GRIA1: variants seen among roughly 807,000 people sequenced by gnomAD.
The protein encoded by GRIA1 is glutamate ionotropic receptor AMPA type subunit 1.
In GRIA1, 31 loss-of-function variants were observed where a neutral mutation model predicts 99.2. The ratio of observed to expected loss-of-function variants is 0.31; its 90% CI spans 0.23 to 0.42. The LOEUF is 0.42. GRIA1 is among the 10% of genes least tolerant of loss of function. The pLI, the probability that GRIA1 is intolerant of heterozygous loss-of-function variation, is 1.00. For missense variants in GRIA1, 782 were observed against 1,157.5 expected (o/e 0.68, Z 4.71); for synonymous variants, 438 against 432.4 (o/e 1.01, Z -0.16).
At chr5:153,524,890 A>G (rs767812180) in intron 2 of GRIA1, among the ~76,000 whole-genome samples, 1 of 152,178 alleles carries the variant, frequency 6.6e-6, no homozygotes, top group African/African-American at 2.4e-5. Context: ...GTCAAAGATC[A>G]CTCATTAAGT....
Position 153,812,355 on chromosome 5 carries a change from A to C in GRIA1, c.*1130A>C, listed in dbSNP as rs373241235. On this transcript the variant is annotated 3_prime_UTR_variant, in exon 16 of 16. Coordinates refer to ENST00000285900, the MANE Select transcript of GRIA1 (RefSeq NM_000827.4). ...AAGCCTCATCAAAAGCTCACACAAA[A>C]TAGAGCTTCCCATGGTGTGCCCTAT... 5 of 152,298 alleles carry C rather than the reference A, an allele frequency of 3.3e-5. No homozygotes were observed. The South Asian group carries it at 1.0e-3, about 32-fold the overall frequency. 9.4% of individuals were successfully genotyped at this position (152,298 alleles called of 1,614,324 possible).
chr5:153,801,580 C>T (rs1766028586), intron 14 of GRIA1, among the ~76,000 whole-genome samples: 2 of 152,204 alleles, frequency 1.3e-5, no homozygotes, highest in African/African-American at 4.8e-5. Context: ...GATCTTTTAT[C>T]TCAGGCAACA....
intron 8 of GRIA1, among the ~76,000 whole-genome samples, chr5:153,691,924 C>T (rs1044777469): frequency 6.6e-6 from 1 of 152,182 alleles, no homozygotes; most frequent in Admixed American, 6.5e-5. Flanking sequence ...AAAACTTTTA[C>T]CACTTTCCTG....
chr5:153,673,186 A>G (rs1391787899), intron 5 of GRIA1, among the ~76,000 whole-genome samples: 9 of 152,176 alleles, frequency 5.9e-5, no homozygotes, highest in Non-Finnish European at 5.9e-5. Flanking sequence ...GCCTTTGCTC[A>G]GAATGCTCTT....
intron 2 of GRIA1, among the ~76,000 whole-genome samples, chr5:153,559,341 G>A (rs1054158411): frequency 2.6e-5 from 4 of 152,150 alleles, no homozygotes; most frequent in Admixed American, 6.5e-5. Context: ...CAGGGAGGGT[G>A]TTTATCAAGA....
At chr5:153,743,527 G>C (rs977385638) in intron 11 of GRIA1, among the ~76,000 whole-genome samples, 6 of 152,096 alleles carry the variant, frequency 3.9e-5, no homozygotes, top group Non-Finnish European at 8.8e-5. Flanking sequence ...GCTGCCACTG[G>C]GGACCACTCT....
chr5:153,647,240 C>T (rs952060579), intron 3 of GRIA1, 73 bp downstream of exon 3: 24 of 1,506,462 alleles, frequency 1.6e-5, no homozygotes, highest in Non-Finnish European at 2.1e-5. Flanking sequence ...GAGAATGATG[C>T]CTCACTGCTT....
intron 11 of GRIA1, among the ~76,000 whole-genome samples, chr5:153,715,448 G>A (rs751521844): frequency 3.7e-4 from 56 of 152,010 alleles, no homozygotes; most frequent in Admixed American, 8.5e-4. Flanking sequence ...CTGCAGCAGG[G>A]CCGGCTGGGA....
chr5:153,751,208 GCCC>G (rs1762490191), intron 11 of GRIA1, among the ~76,000 whole-genome samples: 6 of 152,358 alleles, frequency 3.9e-5, no homozygotes, highest in Admixed American at 6.5e-5. Flanking sequence ...TGAACCCTGA[GCCC>G]ATTCTCTTGA....
At chr5:153,631,898 G>C (rs552978617) in intron 2 of GRIA1, among the ~76,000 whole-genome samples, 3 of 152,242 alleles carry the variant, frequency 2.0e-5, no homozygotes, top group Admixed American at 6.5e-5. Flanking sequence ...GGGGAGAAGA[G>C]TTTTGGGCAG....
At chr5:153,768,435 T>C (rs570074925) in intron 12 of GRIA1, among the ~76,000 whole-genome samples, 13 of 152,300 alleles carry the variant, frequency 8.5e-5, no homozygotes, top group African/African-American at 2.6e-4. Flanking sequence ...GAAGTAGAAC[T>C]AAGACTGATA....
At chr5:153,750,640 C>A (rs1304612000) in intron 11 of GRIA1, among the ~76,000 whole-genome samples, 1 of 152,154 alleles carries the variant, frequency 6.6e-6, no homozygotes, top group Non-Finnish European at 1.5e-5. Flanking sequence ...GCTCCCCCTG[C>A]CCCTATACCC....
intron 2 of GRIA1, among the ~76,000 whole-genome samples, chr5:153,636,052 A>G (rs965054464): frequency 2.0e-5 from 3 of 151,936 alleles, no homozygotes; most frequent in African/African-American, 7.3e-5. Flanking sequence ...TCAAACTGGG[A>G]CCTCAACAAT....
intron 2 of GRIA1, among the ~76,000 whole-genome samples, chr5:153,506,930 C>T (rs376185345): frequency 2.2e-4 from 33 of 152,108 alleles, no homozygotes; most frequent in Middle Eastern, 3.4e-3. Flanking sequence ...CGAGATCAGT[C>T]GGGCCAACAT....
chr5:153,706,316 G>C, intron 11 of GRIA1: 1 of 520,968 alleles, frequency 1.9e-6, no homozygotes, highest in Non-Finnish European at 3.5e-6. Context: ...GCATAATTAT[G>C]ACTGATGCGT....
chr5:153,531,221 A>G (rs528684966), intron 2 of GRIA1, among the ~76,000 whole-genome samples: 2 of 152,198 alleles, frequency 1.3e-5, no homozygotes, highest in Non-Finnish European at 2.9e-5. Flanking sequence ...GGAAGCCCAC[A>G]TGGGGGTTGG....
At position 153,696,672 on chromosome 5, in the gene GRIA1, A is replaced by G. The variant is rs1481638542; in HGVS notation, c.1135-1372A>G. Among the ~76,000 whole-genome samples the G allele has an allele frequency of 2.0e-5, 3 of 152,364 alleles. No homozygotes were observed. The East Asian group carries it at 5.8e-4, about 29-fold the overall frequency. ...CAAATGCCTCAGTTTTTGTGAGCCT[A>G]TGCTGAGTTCTGGCTGTTGATAGAC... On this transcript the variant is annotated intron_variant, in intron 8 of 15. Coordinates refer to ENST00000285900, the MANE Select transcript of GRIA1 (RefSeq NM_000827.4).
chr5:153,771,455 T>G (rs1037263988), intron 13 of GRIA1, among the ~76,000 whole-genome samples: 4 of 152,216 alleles, frequency 2.6e-5, no homozygotes, highest in Non-Finnish European at 5.9e-5. Flanking sequence ...CCAACATTGT[T>G]CTGGGGACTG....
In GRIA1 at chr5:153,573,890, T is replaced by C. The variant is rs554365131; in HGVS notation, c.221-73038T>C. 3.9e-5 allele frequency among the ~76,000 whole-genome samples: 6 copies of C among 152,262 alleles called. No individual in the cohort carries two copies. The East Asian group carries it at 1.2e-3, about 29-fold the overall frequency. ...GGCTCTGTCCCAGTCCAACCTTCTG[T>C]GAGTCTATAACTGAAGCATCCAAAG... On this transcript the variant is annotated intron_variant, in intron 2 of 15. Coordinates refer to ENST00000285900, the MANE Select transcript of GRIA1 (RefSeq NM_000827.4).
Sources: allele counts gnomAD v4.1 joint callset (sites outside exome capture counted in the v4.1 genomes callset), GRCh38; gene constraint gnomAD v4.1.1; transcripts MANE v1.5; gene names NCBI Gene and HGNC (gene_info 2026-07-23, HGNC 2026-07-21).